CDS2: variants seen among roughly 807,000 people sequenced by gnomAD.
The protein encoded by CDS2 is CDP-diacylglycerol synthase 2, also known as phosphatidate cytidylyltransferase 2.
In CDS2, 47 loss-of-function variants were observed where a neutral mutation model predicts 59.0. That is an observed-to-expected ratio of 0.80 (90% CI 0.63 to 1.02). The LOEUF is 1.02. Among genes scored for constraint, CDS2 ranks in the 50% least tolerant of loss-of-function variants. The probability of loss-of-function intolerance (pLI) is 0.00; values close to 1 mark genes in which losing one functional copy is unlikely to be tolerated. For missense variants in CDS2, 356 were observed against 558.9 expected, an observed-to-expected ratio of 0.64 and a Z score of 3.66; for synonymous variants, 207 against 206.4, an observed-to-expected ratio of 1.00 and a Z score of -0.02.
intron 9 of CDS2, among the ~76,000 whole-genome samples, chr20:5,186,353 C>T (rs768160909): frequency 9.9e-5 from 15 of 152,282 alleles, no homozygotes; most frequent in Admixed American, 2.0e-4. Flanking sequence ...CTCCAGTTAT[C>T]ACTGACTTCA....
rs2091170248 is a variant in CDS2 at position 5,197,822 on chromosome 20, A to G, written c.*7588A>G. ...AAGAACATGATATACTGTACGTTGG[A>G]AAGCATTTACCTTATTTATATACCT... On this transcript the variant is annotated 3_prime_UTR_variant, in exon 13 of 13. Transcript: ENST00000460006. The G allele has an allele frequency of 6.6e-6, 1 of 152,258 alleles. No homozygotes were observed. The highest frequency in any genetic ancestry group is 1.5e-5 in the Non-Finnish European group (1 of 68,038). 9.4% of individuals were successfully genotyped at this position (152,258 alleles called of 1,614,324 possible).
At chr20:5,171,204 G>A (rs2090953757) in intron 1 of CDS2, among the ~76,000 whole-genome samples, 1 of 152,372 alleles carries the variant, frequency 6.6e-6, no homozygotes, top group Admixed American at 6.5e-5. Context: ...TTAGCACGGA[G>A]CTGGAGCTGC....
intron 1 of CDS2, among the ~76,000 whole-genome samples, chr20:5,141,666 C>G (rs1022101424): frequency 4.6e-5 from 7 of 152,034 alleles, no homozygotes; most frequent in African/African-American, 1.4e-4. Context: ...ACTGGTAGAT[C>G]AGAAATTCTT....
rs76212336 is a variant in CDS2, at chr20:5,171,234, C to T, written c.58-2289C>T. On this transcript the variant is annotated intron_variant, in intron 1 of 12. Transcript: ENST00000460006. ...AGCTGCCTGCTCCTCCCTCGCAGGA[C>T]GCTGCCTGGGTTCCGTTCCTGTCCT... Among the ~76,000 whole-genome samples, 522 of 152,314 alleles carry T rather than the reference C, an allele frequency of 3.4e-3. 2 individuals carry two copies. Among genetic ancestry groups the T allele is most frequent in the African/African-American group, 0.011 (471 of 41,566 alleles).
At position 5,190,145 on chromosome 20, in the gene CDS2, C is replaced by T. The variant is rs758565107; in HGVS notation, c.1249C>T (p.Arg417Trp). ...ACTGATTCAGCAGTTCCTGACTTTA[C>T]GGCCAGATCAGCAGCTCCACATCTT... is the stretch of plus-strand genomic sequence containing the variant. ...SKLIQQFLTL[R>W]PDQQLHIFNT... The change falls in exon 13 of 13, where the codon CGG becomes TGG. Residue 417 changes from arginine to tryptophan, a missense_variant. Transcript: ENST00000460006. 4 of 1,613,976 alleles carry T rather than the reference C, an allele frequency of 2.5e-6. No individual in the cohort carries two copies. Among genetic ancestry groups the T allele is most frequent in the South Asian group, 2.2e-5 (2 of 91,072 alleles).
intron 1 of CDS2, among the ~76,000 whole-genome samples, chr20:5,164,726 A>G (rs1434357887): frequency 6.6e-6 from 1 of 152,178 alleles, no homozygotes; most frequent in Non-Finnish European, 1.5e-5. Context: ...TGATAATAGA[A>G]GGACCCGTTG....
At chr20:5,127,591 G>A (rs1257014098) in intron 1 of CDS2, among the ~76,000 whole-genome samples, 1 of 152,212 alleles carries the variant, frequency 6.6e-6, no homozygotes, top group Non-Finnish European at 1.5e-5. Context: ...ATCAGGACAA[G>A]GCCATAGCAT....
chr20:5,184,876 T>C lies in CDS2; in HGVS notation c.690T>C (p.Ser230=). Residue 230 remains serine, a synonymous_variant, in exon 8 of 13, where the codon TCT becomes TCC. Transcript: ENST00000460006. This position sits in a 1 kb window ranked among gnomAD's most constrained non-coding sequence, Gnocchi z 4.3. ...TTTCTAGGTTCATTGTCCCCATATC[T>C]TGTGTGATCTGTAATGACATCATGG... ...EGMIWFIVPI[S]CVICNDIMAY... is the part of the protein sequence containing the mutation. 6.2e-7 allele frequency: 1 copy of C among 1,613,982 alleles called. No homozygotes were observed. Among genetic ancestry groups the C allele is most frequent in the Middle Eastern group, 1.7e-4 (1 of 6,060 alleles).
chr20:5,163,750 A>G (rs1267198249), intron 1 of CDS2, among the ~76,000 whole-genome samples: 1 of 151,924 alleles, frequency 6.6e-6, no homozygotes, highest in Non-Finnish European at 1.5e-5. Flanking sequence ...AAAAAGAGAA[A>G]GAAACTATTT....
intron 5 of CDS2, among the ~76,000 whole-genome samples, chr20:5,180,884 A>G (rs1434168982): frequency 6.6e-6 from 1 of 152,066 alleles, no homozygotes; most frequent in African/African-American, 2.4e-5. Flanking sequence ...ATTCCTGCCT[A>G]CCTATCGAGG....
intron 1 of CDS2, among the ~76,000 whole-genome samples, chr20:5,150,731 C>T (rs79720566): frequency 1.3e-5 from 2 of 152,228 alleles, no homozygotes; most frequent in Non-Finnish European, 2.9e-5. Context: ...GCTCCCACCC[C>T]ATTTCCTCAT....
At chr20:5,146,030 C>T (rs1256514292) in intron 1 of CDS2, among the ~76,000 whole-genome samples, 2 of 151,966 alleles carry the variant, frequency 1.3e-5, no homozygotes, top group African/African-American at 2.4e-5. Flanking sequence ...ACTATGTTGC[C>T]TAGGCTGGTC....
At chr20:5,141,551 C>G (rs2090694033) in intron 1 of CDS2, among the ~76,000 whole-genome samples, 1 of 152,166 alleles carries the variant, frequency 6.6e-6, no homozygotes, top group African/African-American at 2.4e-5. Flanking sequence ...CCCTATATAT[C>G]TCTTCATCTG....
intron 1 of CDS2, among the ~76,000 whole-genome samples, chr20:5,166,879 A>G (rs1028621905): frequency 5.3e-5 from 8 of 152,200 alleles, no homozygotes; most frequent in Admixed American, 5.2e-4. Flanking sequence ...TGAAATGTCG[A>G]CAGCTCTTCC....
rs1468059156 is a variant in CDS2 at position 5,191,446 on chromosome 20, G to T, written c.*1212G>T. 3.3e-5 allele frequency: 5 copies of T among 152,128 alleles called. No homozygotes were observed. The highest frequency in any genetic ancestry group is 7.2e-5 in the African/African-American group (3 of 41,418). 9.4% of individuals were successfully genotyped at this position (152,128 alleles called of 1,614,324 possible). A position where few individuals can be genotyped will look rare whatever the true frequency, so the allele number is the denominator to read the frequency against. ...TTCCCCTCCCTAATTTCAGGGGTGA[G>T]ATTGACTTTGGGAAGACAGATTAGT... is the stretch of plus-strand genomic sequence containing the variant. On this transcript the variant is annotated 3_prime_UTR_variant, in exon 13 of 13. Transcript: ENST00000460006.
intron 7 of CDS2, among the ~76,000 whole-genome samples, chr20:5,183,655 A>G (rs1203818406): frequency 6.6e-6 from 1 of 152,242 alleles, no homozygotes; most frequent in Non-Finnish European, 1.5e-5. Context: ...ACCAAAGCCA[A>G]TGAGGAGAGA....
chr20:5,176,945 G>GGAGAATGTTAA (rs2090999279), intron 4 of CDS2, among the ~76,000 whole-genome samples, 200 bp downstream of exon 4: 1 of 152,210 alleles, frequency 6.6e-6, no homozygotes, highest in African/African-American at 2.4e-5. Context: ...GAGAATGTTA[G>GGAGAATGTTAA]GAGAATGTTA....
intron 1 of CDS2, among the ~76,000 whole-genome samples, chr20:5,139,902 A>G (rs2090680287): frequency 1.3e-5 from 2 of 150,750 alleles, no homozygotes; most frequent in African/African-American, 2.4e-5. Flanking sequence ...GGGTTCAAGC[A>G]GTTCTCCCTG....
At chr20:5,144,194 T>G (rs190831562) in intron 1 of CDS2, among the ~76,000 whole-genome samples, 2 of 152,366 alleles carry the variant, frequency 1.3e-5, no homozygotes, top group Admixed American at 6.5e-5. Flanking sequence ...TGGTTTTAAT[T>G]TCTTCTGTAG....
Sources: allele counts gnomAD v4.1 joint callset (sites outside exome capture counted in the v4.1 genomes callset), GRCh38; gene constraint gnomAD v4.1.1; non-coding constraint Gnocchi (gnomAD v3.1); transcripts MANE v1.5; gene names NCBI Gene and HGNC (gene_info 2026-07-23, HGNC 2026-07-21).